The following SSBP3 variants were observed in gnomAD, a reference collection of about 807,000 sequenced individuals.
SSBP3 encodes the protein single-stranded DNA-binding protein 3.
Under a neutral mutation model 69.6 loss-of-function variants are expected in SSBP3, and 5 were observed. The ratio of observed to expected loss-of-function variants is 0.07; its 90% CI spans 0.04 to 0.15. The LOEUF (loss-of-function observed/expected upper bound fraction) is 0.15, where lower values mean the gene tolerates loss of function less well. Ranked by LOEUF, SSBP3 falls within the 10% of genes least tolerant of loss-of-function variation. SSBP3 has a pLI of 1.00. For synonymous variants in SSBP3, 196 were observed against 193.4 expected (o/e 1.01, Z -0.11); for missense variants, 312 against 534.0 (o/e 0.58, Z 4.10).
chr1:54,410,341 G>C (rs143864039), upstream of SSBP3, among the ~76,000 whole-genome samples: 40 of 152,318 alleles, frequency 2.6e-4, 1 homozygote, highest in African/African-American at 8.9e-4. Context: ...GAAGGAGGTG[G>C]TTAAAGGAAA....
chr1:54,383,310 G>A (rs1042980679), intron 4 of SSBP3, among the ~76,000 whole-genome samples: 7 of 151,946 alleles, frequency 4.6e-5, no homozygotes, highest in South Asian at 2.1e-4. Flanking sequence ...CCCGGCAGGC[G>A]GAGGTTGTAG....
chr1:54,240,931 C>A, exon 13 of SSBP3: 1 of 1,611,844 alleles, frequency 6.2e-7, no homozygotes, highest in Non-Finnish European at 8.5e-7. Context: ...AATGGGTGTT[C>A]CTGGAGGACC....
At chr1:54,245,665 G>A (rs1420531249) in intron 9 of SSBP3, among the ~76,000 whole-genome samples, 1 of 152,290 alleles carries the variant, frequency 6.6e-6, no homozygotes, top group Admixed American at 6.5e-5. Flanking sequence ...AGCCAGAGAA[G>A]GCAGGCCCCG....
chr1:54,311,514 TAAA>T (rs1335512870), intron 4 of SSBP3, among the ~76,000 whole-genome samples: 5 of 152,042 alleles, frequency 3.3e-5, no homozygotes, highest in Admixed American at 2.6e-4. Flanking sequence ...GAAAAACTAT[TAAA>T]GGACCTACCC....
chr1:54,354,862 T>C (rs960406801), intron 4 of SSBP3, among the ~76,000 whole-genome samples: 18 of 152,178 alleles, frequency 1.2e-4, no homozygotes, highest in Admixed American at 2.6e-4. Flanking sequence ...ACACATCATC[T>C]GTACATGCCA....
chr1:54,369,226 G>GGC (rs1553146737), intron 4 of SSBP3, among the ~76,000 whole-genome samples: 1 of 149,318 alleles, frequency 6.7e-6, no homozygotes, highest in Non-Finnish European at 1.5e-5. Flanking sequence ...GTCGGGGGGG[G>GGC]GGCCCAAGCC....
intron 4 of SSBP3, among the ~76,000 whole-genome samples, chr1:54,337,583 C>T (rs1487085825): frequency 6.8e-6 from 1 of 147,760 alleles, no homozygotes; most frequent in Non-Finnish European, 1.5e-5. Flanking sequence ...CTGCAACCTC[C>T]CTCCGTCTCC....
intron 4 of SSBP3, among the ~76,000 whole-genome samples, chr1:54,399,877 C>G (rs1649169850): frequency 6.6e-6 from 1 of 152,160 alleles, no homozygotes; most frequent in South Asian, 2.1e-4. Flanking sequence ...TTAACGCCTT[C>G]ATAATCCCCA....
chr1:54,246,988 T>C (rs1479897160), intron 9 of SSBP3, among the ~76,000 whole-genome samples: 1 of 152,230 alleles, frequency 6.6e-6, no homozygotes. Flanking sequence ...CAGGTATCCC[T>C]CTGCCACTGG....
At chr1:54,345,016 C>T (rs1446191539) in intron 4 of SSBP3, among the ~76,000 whole-genome samples, 3 of 152,162 alleles carry the variant, frequency 2.0e-5, no homozygotes, top group Non-Finnish European at 4.4e-5. Context: ...ATTTATATTA[C>T]ACTTGTTTCC....
intron 14 of SSBP3, chr1:54,237,478 G>A (rs971751048): frequency 6.6e-6 from 1 of 152,170 alleles, no homozygotes; most frequent in Admixed American, 6.5e-5. Flanking sequence ...TCAGACTTGA[G>A]AGACTCAATG....
chr1:54,353,885 T>A (rs1471403531), intron 4 of SSBP3, among the ~76,000 whole-genome samples: 2 of 152,218 alleles, frequency 1.3e-5, no homozygotes, highest in African/African-American at 4.8e-5. Flanking sequence ...GCTGAGGGAC[T>A]GAGAGGGACT....
At chr1:54,278,835 C>T (rs1237865623) in intron 5 of SSBP3, among the ~76,000 whole-genome samples, 1 of 152,254 alleles carries the variant, frequency 6.6e-6, no homozygotes, top group African/African-American at 2.4e-5. Flanking sequence ...ATAAAATCCT[C>T]GATACCATCT....
chr1:54,340,377 G>A (rs1646586494), intron 4 of SSBP3, among the ~76,000 whole-genome samples: 1 of 152,164 alleles, frequency 6.6e-6, no homozygotes, highest in Non-Finnish European at 1.5e-5. Flanking sequence ...AGCCAGAGGT[G>A]CTTCCTTGTA....
chr1:54,400,487 T>C (rs948480017), intron 4 of SSBP3, among the ~76,000 whole-genome samples: 5 of 152,184 alleles, frequency 3.3e-5, no homozygotes, highest in Non-Finnish European at 5.9e-5. Flanking sequence ...ATCATCACCA[T>C]GGGATTTTCC....
intron 4 of SSBP3, among the ~76,000 whole-genome samples, chr1:54,369,889 G>C (rs1364466606): frequency 1.3e-5 from 2 of 151,942 alleles, no homozygotes; most frequent in African/African-American, 4.8e-5. Context: ...TTTTTACCCT[G>C]CTGCCTCTCT....
chr1:54,406,243 C>T (rs1246967142), exon 1 of SSBP3: 7 of 375,462 alleles, frequency 1.9e-5, no homozygotes, highest in Non-Finnish European at 3.3e-5. Flanking sequence ...CCTGGAACTC[C>T]TTCCGCGCCG....
chr1:54,253,475 A>G (rs1644867829), intron 7 of SSBP3, among the ~76,000 whole-genome samples: 1 of 152,006 alleles, frequency 6.6e-6, no homozygotes, highest in African/African-American at 2.4e-5. Flanking sequence ...TACAGGTGTG[A>G]GCCTCCGCAC....
chr1:54,226,535 G>A (rs1443846641), exon 18 of SSBP3: 1 of 153,666 alleles, frequency 6.5e-6, no homozygotes, highest in Non-Finnish European at 1.4e-5. Flanking sequence ...AAACTGTCCA[G>A]TTTATTATTA....
Sources: gnomAD v4.1 joint callset for allele counts (sites outside exome capture counted in the v4.1 genomes callset) on GRCh38, gnomAD v4.1.1 for gene constraint, MANE v1.5 for transcripts, NCBI Gene and HGNC (gene_info 2026-07-23, HGNC 2026-07-21) for gene names.